SHISA9: variants seen among roughly 807,000 people sequenced by gnomAD.
The protein encoded by SHISA9 is protein shisa-9.
SHISA9 carries 13 observed loss-of-function variants against 38.0 expected under a neutral mutation model. That is an observed-to-expected ratio of 0.34 (90% CI 0.22 to 0.54). SHISA9 has a LOEUF of 0.54. Among genes scored for constraint, SHISA9 ranks in the 20% least tolerant of loss-of-function variants. The pLI, the probability that SHISA9 is intolerant of heterozygous loss-of-function variation, is 0.91. For missense variants in SHISA9, 538 were observed against 575.8 expected (o/e 0.93, Z 0.67); for synonymous variants, 275 against 242.0 (o/e 1.14, Z -1.27).
the SHISA9 span, among the ~76,000 whole-genome samples, chr16:13,395,092 G>A: frequency 6.6e-6 from 1 of 152,156 alleles, no homozygotes; most frequent in African/African-American, 2.4e-5. Flanking sequence ...GCTATGAAAT[G>A]TTCCTCCAGA....
chr16:13,262,664 G>GGAAGGAAGGAAGGAAA, the SHISA9 span, among the ~76,000 whole-genome samples: 92 of 114,112 alleles, frequency 8.1e-4, 4 homozygotes, highest in African/African-American at 2.8e-3. Context: ...AAGGAAGGAA[G>GGAAGGAAGGAAGGAAA]GAAGGAAGGG....
At position 13,132,451 on chromosome 16, in the gene SHISA9, T is replaced by C. The variant is rs147638764; in HGVS notation, c.692-70943T>C. ...ACTCAGAATTTTCATACCTTTGGCA[T>C]GACTGACATTTTGGACTGGATAATT... On this transcript the variant is annotated intron_variant, in intron 2 of 4. Transcript: ENST00000558583. 3.5e-3 allele frequency among the ~76,000 whole-genome samples: 532 copies of C among 152,370 alleles called. 2 individuals carry two copies. The highest frequency in any genetic ancestry group is 0.012 in the African/African-American group (494 of 41,598).
Position 13,203,409 on chromosome 16 carries a change from A to G in SHISA9, c.707A>G (p.Asn236Ser), listed in dbSNP as rs1178768782. The part of the protein sequence containing the change: ...PINNLHATQM[N>S]NAVPTSPLLQ... ...TCACTTCCAGATGCCACCCAGATGA[A>G]CAACGCAGTGCCCACCTCTCCTCTG... The change falls in exon 3 of 5, where the codon AAC (asparagine) becomes AGC (serine). Residue 236 changes from asparagine (N) to serine (S), a missense_variant. Asn to Ser is a conservative substitution (Grantham distance 46). Transcript: ENST00000558583. 1 of 1,536,614 alleles carries G rather than the reference A, an allele frequency of 6.5e-7. No individual in the cohort carries two copies. Among genetic ancestry groups the G allele is most frequent in the East Asian group, 2.5e-5 (1 of 40,514 alleles).
At chr16:13,538,445 A>T in the SHISA9 span, among the ~76,000 whole-genome samples, 1 of 152,310 alleles carries the variant, frequency 6.6e-6, no homozygotes, top group East Asian at 1.9e-4. Flanking sequence ...CATAAATCAC[A>T]TCTTAGAGCT....
intron 2 of SHISA9, among the ~76,000 whole-genome samples, chr16:13,023,560 G>T (rs988940513): frequency 6.6e-6 from 1 of 152,130 alleles, no homozygotes; most frequent in Non-Finnish European, 1.5e-5. Flanking sequence ...GGGTCAAATG[G>T]TATTTCTAGT....
the SHISA9 span, among the ~76,000 whole-genome samples, chr16:13,353,863 T>A: frequency 6.6e-6 from 1 of 152,176 alleles, no homozygotes; most frequent in Admixed American, 6.5e-5. Flanking sequence ...ACTAAGAGCC[T>A]GAAAAACTGC....
At chr16:13,248,034 A>G in the SHISA9 span, among the ~76,000 whole-genome samples, 1 of 152,206 alleles carries the variant, frequency 6.6e-6, no homozygotes, top group South Asian at 2.1e-4. Context: ...AAGGCAGTTG[A>G]GCTGAATGTA....
the SHISA9 span, among the ~76,000 whole-genome samples, chr16:13,494,631 C>G: frequency 6.6e-6 from 1 of 151,852 alleles, no homozygotes; most frequent in Non-Finnish European, 1.5e-5. Context: ...AAAACATGAA[C>G]TTATAGGGGA....
the SHISA9 span, among the ~76,000 whole-genome samples, chr16:13,367,712 G>GCACA: frequency 0.066 from 6,934 of 104,424 alleles, 244 homozygotes; most frequent in Non-Finnish European, 0.087. Context: ...GCGCGCGCGC[G>GCACA]CACACACACA....
chr16:13,500,887 G>C, the SHISA9 span, among the ~76,000 whole-genome samples: 1 of 152,262 alleles, frequency 6.6e-6, no homozygotes, highest in Admixed American at 6.5e-5. Context: ...GGAAGCTTTA[G>C]GTAACTAAAT....
intron 4 of SHISA9, among the ~76,000 whole-genome samples, chr16:13,218,250 T>C (rs188519044): frequency 0.019 from 2,927 of 152,224 alleles, 46 homozygotes; most frequent in Non-Finnish European, 0.03. Flanking sequence ...ATGTAGATCC[T>C]GGGCCCACTC....
the SHISA9 span, among the ~76,000 whole-genome samples, chr16:13,468,354 C>G: frequency 6.6e-6 from 1 of 152,152 alleles, no homozygotes. Context: ...CTGACTTACT[C>G]AGAGTCATAC....
intron 2 of SHISA9, among the ~76,000 whole-genome samples, chr16:12,927,394 T>C (rs1385642025): frequency 1.3e-5 from 2 of 152,068 alleles, no homozygotes; most frequent in African/African-American, 2.4e-5. Context: ...AGCATAGCTG[T>C]TTTTTACTTA....
chr16:13,251,900 G>C, the SHISA9 span, among the ~76,000 whole-genome samples: 1 of 152,116 alleles, frequency 6.6e-6, no homozygotes, highest in East Asian at 1.9e-4. Context: ...AGTGAGGGCA[G>C]GTAACAGGAA....
rs985848906 is a variant in SHISA9, at chr16:13,201,384, T to C, written c.692-2010T>C. On this transcript the variant is annotated intron_variant, in intron 2 of 4. Transcript: ENST00000558583. ...TAATACTAGTACAACACAGATGTTA[T>C]GTAAATAGTTGTTACACTGTATTTT... 3.7e-5 allele frequency among the ~76,000 whole-genome samples: 5 copies of C among 136,346 alleles called. 1 individual carries two copies. The highest frequency in any genetic ancestry group is 2.0e-4 in the East Asian group (1 of 5,070). The allele number at this position is 136,346 out of a possible 152,430, so 89.4% of individuals were successfully genotyped here.
chr16:13,491,817 C>CTTTTTTTTTT, the SHISA9 span, among the ~76,000 whole-genome samples: 5 of 46,892 alleles, frequency 1.1e-4, 2 homozygotes, highest in Non-Finnish European at 2.0e-4. Context: ...TATTTATTGA[C>CTTTTTTTTTT]CTTTTTTTTT....
the SHISA9 span, among the ~76,000 whole-genome samples, chr16:13,336,091 G>C: frequency 6.6e-6 from 1 of 152,170 alleles, no homozygotes; most frequent in Non-Finnish European, 1.5e-5. Flanking sequence ...CCTCACATCA[G>C]AAGTCCCGTG....
intron 2 of SHISA9, among the ~76,000 whole-genome samples, chr16:12,990,431 C>T (rs2072370132): frequency 6.6e-6 from 1 of 152,210 alleles, no homozygotes; most frequent in Admixed American, 6.5e-5. Context: ...TCTCAGCAAC[C>T]TCACCAGCAT....
intron 2 of SHISA9, among the ~76,000 whole-genome samples, chr16:13,056,187 A>C (rs1013564623): frequency 6.6e-6 from 1 of 152,186 alleles, no homozygotes; most frequent in East Asian, 1.9e-4. Context: ...AACTCTGAAC[A>C]CTTTATCCCA....
Sources: gnomAD v4.1 joint callset for allele counts (sites outside exome capture counted in the v4.1 genomes callset) on GRCh38, gnomAD v4.1.1 for gene constraint, MANE v1.5 for transcripts, NCBI Gene and HGNC (gene_info 2026-07-23, HGNC 2026-07-21) for gene names.